The following P4HTM variants were observed in gnomAD, a reference collection of about 807,000 sequenced individuals.
P4HTM encodes prolyl 4-hydroxylase, transmembrane, also known as transmembrane prolyl 4-hydroxylase.
P4HTM carries 33 observed loss-of-function variants against 55.3 expected under a neutral mutation model. That is an observed-to-expected ratio of 0.60 (90% CI 0.45 to 0.80). The LOEUF is 0.80. P4HTM is among the 30% of genes least tolerant of loss of function. The pLI is 0.00. For missense variants in P4HTM, 542 were observed against 696.5 expected (o/e 0.78, Z 2.50); for synonymous variants, 272 against 286.4 (o/e 0.95, Z 0.51).
chr3:49,005,957 C>T, intron 7 of P4HTM, 90 bp downstream of exon 7: 1 of 1,541,670 alleles, frequency 6.5e-7, no homozygotes, highest in Non-Finnish European at 8.8e-7. Flanking sequence ...GATGTGGGCC[C>T]AAATTATTCC....
chr3:49,004,208 T>C lies in P4HTM; in HGVS notation c.835T>C (p.Trp279Arg). The C allele has an allele frequency of 1.3e-6, 2 of 1,549,332 alleles. No individual in the cohort carries two copies. Among genetic ancestry groups the C allele is most frequent in the Non-Finnish European group, 1.7e-6 (2 of 1,146,816 alleles). Residue 279 changes from tryptophan to arginine, a missense_variant, in exon 5 of 9, where the codon TGG becomes CGG. By Grantham distance (101) the Trp-to-Arg change is moderately radical. Coordinates refer to ENST00000383729, the MANE Select transcript of P4HTM (RefSeq NM_177939.3). The stretch of plus-strand genomic sequence containing the variant: ...GCTGGTGCGGAACAGCCACCATACC[T>C]GGCTCTACCAGGGTGAGGGTGCCCA... ...SELVRNSHHT[W>R]LYQGEGAHHI...
In P4HTM at chr3:49,007,065, A is replaced by T. The variant is rs555518775; in HGVS notation, c.*158A>T. 7.3e-4 allele frequency: 507 copies of T among 691,600 alleles called. 7 individuals are homozygous for T. In the South Asian group the frequency reaches 8.5e-3, roughly 12 times the overall value. 42.8% of individuals were successfully genotyped at this position (691,600 alleles called of 1,614,324 possible). On this transcript the variant is annotated 3_prime_UTR_variant, in exon 9 of 9. Transcript: ENST00000383729. The surrounding 1 kb of genome is among the most constrained non-coding windows in gnomAD (Gnocchi z 5.1). The stretch of plus-strand genomic sequence containing the variant: ...CGCAGTTCCTATATTCATGTTATTT[A>T]TTGTGTACTGACTCCATCTGCCCCG...
chr3:49,006,573 TG>T, intron 8 of P4HTM, 113 bp from the exon 9 acceptor site: 1 of 804,208 alleles, frequency 1.2e-6, no homozygotes, highest in South Asian at 1.6e-5. Flanking sequence ...TAGGTCTGGG[TG>T]TTTGCTACAC....
At chr3:49,003,944 C>A in intron 4 of P4HTM, 154 bp from the exon 5 acceptor site, 1 of 660,786 alleles carries the variant, frequency 1.5e-6, no homozygotes. Context: ...GTTCATCTGA[C>A]CCAAAAGTCC....
At chr3:49,000,477 T>C (rs559678626) in intron 2 of P4HTM, among the ~76,000 whole-genome samples, 95 of 152,328 alleles carry the variant, frequency 6.2e-4, no homozygotes, top group African/African-American at 1.9e-3. Flanking sequence ...GTGCTGGAAG[T>C]GTAACTGAGA....
At chr3:48,989,999 C>G (rs1440057637), upstream of P4HTM, 1 of 181,128 alleles carries the variant, frequency 5.5e-6, no homozygotes, top group Non-Finnish European at 1.1e-5. Flanking sequence ...GGGACCTTGG[C>G]TTCTGACTTG....
chr3:48,990,980 T>C lies in P4HTM; in HGVS notation c.436+66T>C. The C allele has an allele frequency of 8.2e-7, 1 of 1,226,088 alleles. No homozygotes were observed. Among genetic ancestry groups the C allele is most frequent in the Non-Finnish European group, 1.2e-6 (1 of 839,188 alleles). The allele number at this position is 1,226,088 out of a possible 1,614,324, so 76.0% of individuals were successfully genotyped here. On this transcript the variant is annotated intron_variant, in intron 2 of 8. Coordinates refer to ENST00000383729, the MANE Select transcript of P4HTM (RefSeq NM_177939.3). This position sits in a 1 kb window ranked among gnomAD's most constrained non-coding sequence, Gnocchi z 7.2. ...GGTTTGGTGGCCACCTTGAGGCTCG[T>C]TGTGACCACGTGACCTCTATTTTGA... is the stretch of plus-strand genomic sequence containing the variant.
chr3:49,005,899 G>A, intron 7 of P4HTM, 32 bp downstream of exon 7: 2 of 1,530,812 alleles, frequency 1.3e-6, no homozygotes, highest in Non-Finnish European at 1.8e-6. Context: ...ACTCTTGTGG[G>A]CTGGCAGGGG....
chr3:48,993,301 CAAAA>C (rs11312212), intron 2 of P4HTM, among the ~76,000 whole-genome samples: 2 of 122,848 alleles, frequency 1.6e-5, no homozygotes, highest in Non-Finnish European at 1.7e-5. Context: ...AACTCCATCT[CAAAA>C]AAAAAAAAAA....
In P4HTM at chr3:49,001,439, A is replaced by G. The variant is rs565035006; in HGVS notation, c.438A>G (p.Glu146=). Residue 146 remains glutamate (E), a splice_region_variant and synonymous_variant, in exon 3 of 9, where the codon GAA becomes GAG. Coordinates refer to ENST00000383729, the MANE Select transcript of P4HTM (RefSeq NM_177939.3). Reference sequence around the variant, plus strand: ...CTCACCCACCTCCTCTTCTGGCAGAAATCCCCGGCTTCCTGACTGATGAAG... The same window carrying G: ...CTCACCCACCTCCTCTTCTGGCAGAGATCCCCGGCTTCCTGACTGATGAAG... The part of the protein sequence containing the change: ...RTLSLKPLLF[E]IPGFLTDEEC... 1 of 1,613,762 alleles carries G rather than the reference A, an allele frequency of 6.2e-7. No individual in the cohort carries two copies. The highest frequency in any genetic ancestry group is 1.3e-5 in the African/African-American group (1 of 75,052).
chr3:48,990,688 C>A lies in P4HTM; in HGVS notation c.354+78C>A. 1 of 1,461,540 alleles carries A rather than the reference C, an allele frequency of 6.8e-7. No individual in the cohort carries two copies. Among genetic ancestry groups the A allele is most frequent in the Non-Finnish European group, 9.1e-7 (1 of 1,099,160 alleles). 90.5% of individuals were successfully genotyped at this position (1,461,540 alleles called of 1,614,324 possible). ...GAGGACCGGCGCTCAGCCCGGGTCCCCACGCTGCCCCCGGCGCTGCTCTGC... is the reference window on the plus strand; with the variant it reads ...GAGGACCGGCGCTCAGCCCGGGTCCACACGCTGCCCCCGGCGCTGCTCTGC... On this transcript the variant is annotated intron_variant, in intron 1 of 8. Coordinates refer to ENST00000383729, the MANE Select transcript of P4HTM (RefSeq NM_177939.3). This position sits in a 1 kb window ranked among gnomAD's most constrained non-coding sequence, Gnocchi z 7.2.
Position 48,990,453 on chromosome 3 carries a change from T to TGTTC in P4HTM, c.200_203dup (p.His69ArgfsTer7). 6.2e-7 allele frequency: 1 copy of TGTTC among 1,610,418 alleles called. No homozygotes were observed. The stretch of plus-strand genomic sequence containing the variant: ...CGCGCCTACTTCCTGGTGCTGATGG[T>TGTTC]GTTCGTGCACCTGTACCTGGGTAAC... On this transcript the variant is annotated frameshift_variant, in exon 1 of 9. Coordinates refer to ENST00000383729, the MANE Select transcript of P4HTM (RefSeq NM_177939.3). LOFTEE classifies it high-confidence loss of function. This position sits in a 1 kb window ranked among gnomAD's most constrained non-coding sequence, Gnocchi z 7.2.
intron 2 of P4HTM, chr3:48,991,399 A>T (rs534224459): frequency 6.4e-6 from 1 of 155,116 alleles, no homozygotes; most frequent in East Asian, 1.9e-4. Flanking sequence ...TGCTGCCAGC[A>T]CTCTGAGATT....
At position 49,007,075 on chromosome 3, in the gene P4HTM, G is replaced by C; in HGVS notation, c.*168G>C. 1 of 675,886 alleles carries C rather than the reference G, an allele frequency of 1.5e-6. No individual in the cohort carries two copies. The highest frequency in any genetic ancestry group is 1.9e-5 in the South Asian group (1 of 52,268). The allele number at this position is 675,886 out of a possible 1,614,324, so 41.9% of individuals were successfully genotyped here. On this transcript the variant is annotated 3_prime_UTR_variant, in exon 9 of 9. Coordinates refer to ENST00000383729, the MANE Select transcript of P4HTM (RefSeq NM_177939.3). The surrounding 1 kb of genome is among the most constrained non-coding windows in gnomAD (Gnocchi z 5.1). ...ATATTCATGTTATTTATTGTGTACT[G>C]ACTCCATCTGCCCCGTCAAATAAAA... is the stretch of plus-strand genomic sequence containing the variant.
intron 8 of P4HTM, among the ~76,000 whole-genome samples, chr3:49,006,388 A>G (rs1418364206): frequency 6.6e-6 from 1 of 152,202 alleles, no homozygotes; most frequent in East Asian, 1.9e-4. Context: ...ATCCATCCCT[A>G]TCATTCCCTG....
chr3:48,997,721 A>G (rs1053237765), intron 2 of P4HTM, among the ~76,000 whole-genome samples: 3 of 152,202 alleles, frequency 2.0e-5, no homozygotes, highest in Non-Finnish European at 4.4e-5. Flanking sequence ...TTGTTTTAGC[A>G]ATGTCCTATG....
chr3:49,005,391 T>C, intron 6 of P4HTM: 1 of 1,408,074 alleles, frequency 7.1e-7, no homozygotes, highest in Non-Finnish European at 9.2e-7. Context: ...AAGCTGAAGC[T>C]GTGCCTCCCT....
chr3:48,995,387 C>T (rs1324229635), intron 2 of P4HTM, among the ~76,000 whole-genome samples: 1 of 152,220 alleles, frequency 6.6e-6, no homozygotes, highest in Non-Finnish European at 1.5e-5. Flanking sequence ...TGTCCTCAAA[C>T]CCATCTTAAA....
rs115048432 is a variant in P4HTM at position 48,999,083 on chromosome 3, G to A, written c.437-2355G>A. On this transcript the variant is annotated intron_variant, in intron 2 of 8. Transcript: ENST00000383729. The surrounding 1 kb of genome is among the most constrained non-coding windows in gnomAD (Gnocchi z 4.8). Reference sequence around the variant, plus strand: ...TGCCTAAGGGCACCTGGTTCCCTCTGTCTGGAACACTCTAACAAAACGATC... The same window carrying A: ...TGCCTAAGGGCACCTGGTTCCCTCTATCTGGAACACTCTAACAAAACGATC... Among the ~76,000 whole-genome samples, 837 of 152,234 alleles carry A rather than the reference G, an allele frequency of 5.5e-3. 5 individuals carry two copies. Among genetic ancestry groups the A allele is most frequent in the Non-Finnish European group, 9.5e-3 (648 of 68,008 alleles).
Sources: gnomAD v4.1 joint callset for allele counts (sites outside exome capture counted in the v4.1 genomes callset) on GRCh38, gnomAD v4.1.1 for gene constraint, Gnocchi (gnomAD v3.1) non-coding constraint, MANE v1.5 for transcripts, NCBI Gene and HGNC (gene_info 2026-07-23, HGNC 2026-07-21) for gene names.